MINDY2: variants seen among roughly 807,000 people sequenced by gnomAD.
The protein encoded by MINDY2 is ubiquitin carboxyl-terminal hydrolase MINDY-2.
Under a neutral mutation model 68.2 loss-of-function variants are expected in MINDY2, and 52 were observed. The ratio of observed to expected loss-of-function variants is 0.76; its 90% CI spans 0.61 to 0.96. The LOEUF (loss-of-function observed/expected upper bound fraction) is 0.96. Among genes scored for constraint, MINDY2 ranks in the 40% least tolerant of loss-of-function variants. MINDY2 has a pLI of 0.00. For missense variants in MINDY2, 881 were observed against 773.4 expected (o/e 1.14, Z -1.65); for synonymous variants, 372 against 303.0 (o/e 1.23, Z -2.36).
chr15:58,829,105 T>C (rs2031578928), intron 5 of MINDY2, among the ~76,000 whole-genome samples: 1 of 152,204 alleles, frequency 6.6e-6, no homozygotes. Context: ...AATAAACTGC[T>C]GTGTAACACT....
rs2033127365 is a variant in MINDY2 at position 58,858,466 on chromosome 15, A to C, written c.*3856A>C. 1 of 152,174 alleles carries C rather than the reference A, an allele frequency of 6.6e-6. No homozygotes were observed. Among genetic ancestry groups the C allele is most frequent in the Admixed American group, 6.6e-5 (1 of 15,264 alleles). The allele number at this position is 152,174 out of a possible 1,614,324, so 9.4% of individuals were successfully genotyped here. ...TTTGCTTTCAATGAATCAGAAAGTC[A>C]ATTCACTAAGAGACAGATCATGAGA... On this transcript the variant is annotated 3_prime_UTR_variant, in exon 9 of 9. Transcript: ENST00000559228.
chr15:58,845,982 C>T (rs950183980), intron 6 of MINDY2, among the ~76,000 whole-genome samples: 1 of 151,286 alleles, frequency 6.6e-6, no homozygotes, highest in Non-Finnish European at 1.5e-5. Flanking sequence ...CTTATTTTTG[C>T]GGGCTAGAAA....
At chr15:58,828,700 A>T (rs1165354107) in intron 5 of MINDY2, among the ~76,000 whole-genome samples, 1 of 147,790 alleles carries the variant, frequency 6.8e-6, no homozygotes, top group African/African-American at 2.5e-5. Flanking sequence ...AGCTGGGACT[A>T]CAGGCGCCTG....
chr15:58,835,390 C>G (rs940991453), intron 6 of MINDY2, among the ~76,000 whole-genome samples: 4 of 152,084 alleles, frequency 2.6e-5, no homozygotes, highest in Non-Finnish European at 5.9e-5. Context: ...CGGTGTCTCA[C>G]GCCTGTAATC....
intron 3 of MINDY2, among the ~76,000 whole-genome samples, chr15:58,806,048 C>T (rs1033742305): frequency 6.6e-5 from 10 of 152,102 alleles, no homozygotes; most frequent in Admixed American, 2.0e-4. Flanking sequence ...CACTCCAGCC[C>T]GGGCGACAGA....
chr15:58,790,543 A>C (rs1447296079), intron 2 of MINDY2, among the ~76,000 whole-genome samples: 3 of 151,916 alleles, frequency 2.0e-5, no homozygotes, highest in Non-Finnish European at 4.4e-5. Context: ...CTAACTTTGG[A>C]TTTAATAAGA....
At chr15:58,854,018 GCGGAT>G (rs535791750) in intron 8 of MINDY2, among the ~76,000 whole-genome samples, 210 of 152,068 alleles carry the variant, frequency 1.4e-3, no homozygotes, top group African/African-American at 4.6e-3. Context: ...GCCAAGGTGG[GCGGAT>G]CACAAAGTCA....
intron 1 of MINDY2, among the ~76,000 whole-genome samples, chr15:58,775,073 T>C (rs1900693866): frequency 6.6e-6 from 1 of 152,204 alleles, no homozygotes; most frequent in African/African-American, 2.4e-5. Flanking sequence ...TCAAAGCTAT[T>C]TTTATGATAA....
chr15:58,845,778 C>G (rs1458463579), intron 6 of MINDY2, among the ~76,000 whole-genome samples: 2 of 152,100 alleles, frequency 1.3e-5, no homozygotes, highest in African/African-American at 4.8e-5. Flanking sequence ...TCGCAATAGC[C>G]AAGATGTGGA....
intron 1 of MINDY2, among the ~76,000 whole-genome samples, chr15:58,786,028 A>G (rs1003621882): frequency 2.0e-5 from 3 of 152,202 alleles, no homozygotes; most frequent in Non-Finnish European, 2.9e-5. Flanking sequence ...ATGATGATCA[A>G]ACTTCAAAGA....
At chr15:58,782,698 T>C (rs1246905167) in intron 1 of MINDY2, among the ~76,000 whole-genome samples, 2 of 152,144 alleles carry the variant, frequency 1.3e-5, no homozygotes, top group Non-Finnish European at 1.5e-5. Flanking sequence ...TAATTGGCTT[T>C]GGTAATTGGT....
At chr15:58,813,316 G>A (rs905667313) in intron 4 of MINDY2, among the ~76,000 whole-genome samples, 15 of 152,064 alleles carry the variant, frequency 9.9e-5, no homozygotes, top group Non-Finnish European at 2.1e-4. Flanking sequence ...CCAACATGGC[G>A]AAACCCCATC....
chr15:58,833,251 T>C lies in MINDY2; in HGVS notation c.1368+1335T>C, dbSNP rs530178178. Among the ~76,000 whole-genome samples, 109 of 150,074 alleles carry C rather than the reference T, an allele frequency of 7.3e-4. 1 individual carries two copies. The highest frequency in any genetic ancestry group is 2.7e-3 in the African/African-American group (108 of 39,500). On this transcript the variant is annotated intron_variant, in intron 6 of 8. Coordinates refer to ENST00000559228, the MANE Select transcript of MINDY2 (RefSeq NM_001040450.3). ...AGATATGTTCTATTTGCCAACACTT[T>C]ACTTCAGCCAAAATGGTGTCTATTC...
rs1329667259 is a variant in MINDY2, at chr15:58,858,558, A to G, written c.*3948A>G. The stretch of plus-strand genomic sequence containing the variant: ...ATATTAATGTTCACATGTGAACTAC[A>G]TATCTAAAATCTTGGAGAAAAATCA... On this transcript the variant is annotated 3_prime_UTR_variant, in exon 9 of 9. Transcript: ENST00000559228. The G allele has an allele frequency of 6.6e-6, 1 of 152,188 alleles. No homozygotes were observed. Among genetic ancestry groups the G allele is most frequent in the Non-Finnish European group, 1.5e-5 (1 of 67,996 alleles). The allele number at this position is 152,188 out of a possible 1,614,324, so 9.4% of individuals were successfully genotyped here. A position where few individuals can be genotyped will look rare whatever the true frequency, so the allele number is the denominator to read the frequency against.
At chr15:58,791,849 G>T (rs1403942011) in intron 2 of MINDY2, among the ~76,000 whole-genome samples, 3 of 151,936 alleles carry the variant, frequency 2.0e-5, no homozygotes, top group Non-Finnish European at 4.4e-5. Flanking sequence ...GGGAAGGAAT[G>T]TAGTAGATAA....
At chr15:58,825,193 C>G (rs1228355357) in intron 5 of MINDY2, among the ~76,000 whole-genome samples, 2 of 152,168 alleles carry the variant, frequency 1.3e-5, no homozygotes, top group African/African-American at 4.8e-5. Context: ...AATACATTCA[C>G]TAACATTCCT....
chr15:58,825,033 A>G (rs543839064), intron 5 of MINDY2, among the ~76,000 whole-genome samples: 3 of 152,272 alleles, frequency 2.0e-5, no homozygotes, highest in African/African-American at 7.2e-5. Flanking sequence ...TTTTCTGTTT[A>G]GCCTGCAATT....
At chr15:58,834,244 C>G (rs1382608345) in intron 6 of MINDY2, among the ~76,000 whole-genome samples, 1 of 152,182 alleles carries the variant, frequency 6.6e-6, no homozygotes, top group Non-Finnish European at 1.5e-5. Flanking sequence ...TCTCCTATGT[C>G]TACTTTCTGC....
chr15:58,773,950 GAGTT>G (rs763294541), intron 1 of MINDY2, among the ~76,000 whole-genome samples: 1 of 152,144 alleles, frequency 6.6e-6, no homozygotes, highest in Non-Finnish European at 1.5e-5. Flanking sequence ...CTCAACTAGG[GAGTT>G]AGTTAGACTT....
Sources: allele counts gnomAD v4.1 joint callset (sites outside exome capture counted in the v4.1 genomes callset), GRCh38; gene constraint gnomAD v4.1.1; transcripts MANE v1.5; gene names NCBI Gene and HGNC (gene_info 2026-07-23, HGNC 2026-07-21).